The following MYO18B variants were observed in gnomAD, a reference collection of about 807,000 sequenced individuals.
The protein encoded by MYO18B is myosin XVIIIB.
MYO18B carries 204 observed loss-of-function variants against 273.0 expected under a neutral mutation model. That is an observed-to-expected ratio of 0.75 (90% CI 0.67 to 0.84). The LOEUF is 0.84. Ranked by LOEUF, MYO18B falls within the 40% of genes least tolerant of loss-of-function variation. MYO18B has a pLI of 0.00. For synonymous variants in MYO18B, 1,330 were observed against 1,305.7 expected, an observed-to-expected ratio of 1.02 and a Z score of -0.40; for missense variants, 3,212 against 3,287.6, an observed-to-expected ratio of 0.98 and a Z score of 0.56.
At chr22:25,917,548 GT>G (rs2092280179) in intron 33 of MYO18B, among the ~76,000 whole-genome samples, 1 of 144,824 alleles carries the variant, frequency 6.9e-6, no homozygotes, top group Non-Finnish European at 1.5e-5. Flanking sequence ...TTGTAGGGGT[GT>G]GTGTGTGTGT....
rs768124780 is a variant in MYO18B, at chr22:25,947,796, C to A, written c.5716C>A (p.Leu1906Met). ...IDEDQDDLNE[L>M]MQKHKDLIAQ... Reference sequence around the variant, plus strand: ...TGAGGACCAGGATGACCTGAATGAGCTGATGCAGAAGCACAAGGACCTCAT... The same window carrying A: ...TGAGGACCAGGATGACCTGAATGAGATGATGCAGAAGCACAAGGACCTCAT... Residue 1906 changes from leucine to methionine, a missense_variant, in exon 36 of 44, where the codon CTG becomes ATG. Coordinates refer to ENST00000335473, the MANE Select transcript of MYO18B (RefSeq NM_032608.7). 3.7e-6 allele frequency: 6 copies of A among 1,613,828 alleles called. No individual in the cohort carries two copies. The highest frequency in any genetic ancestry group is 5.1e-6 in the Non-Finnish European group (6 of 1,179,850).
chr22:25,830,734 C>A (rs774962396), intron 15 of MYO18B, among the ~76,000 whole-genome samples: 2 of 152,118 alleles, frequency 1.3e-5, no homozygotes, highest in African/African-American at 2.4e-5. Context: ...TGAGTCACAA[C>A]AGGTCTAAGG....
At position 25,962,948 on chromosome 22, in the gene MYO18B, C is replaced by T. The variant is rs537728680; in HGVS notation, c.6156+7584C>T. 1.9e-4 allele frequency among the ~76,000 whole-genome samples: 29 copies of T among 152,146 alleles called. No individual in the cohort carries two copies. In the East Asian group the frequency reaches 4.6e-3, roughly 24 times the overall value. ...CAGGGATATAAACACAGACTCTTCA[C>T]CCCTTTCCTTTCTTCTCTTCCTTCT... is the stretch of plus-strand genomic sequence containing the variant. On this transcript the variant is annotated intron_variant, in intron 39 of 43. Transcript: ENST00000335473.
the MYO18B span, among the ~76,000 whole-genome samples, chr22:26,055,954 A>C: frequency 6.6e-6 from 1 of 152,182 alleles, no homozygotes; most frequent in African/African-American, 2.4e-5. Context: ...CTTGCTTAGG[A>C]AAAGCAAAGC....
intron 25 of MYO18B, among the ~76,000 whole-genome samples, chr22:25,888,462 A>G (rs1379140597): frequency 2.0e-5 from 3 of 152,080 alleles, no homozygotes; most frequent in Non-Finnish European, 2.9e-5. Context: ...GGGTCTTGCT[A>G]TGTTGCCCAG....
chr22:25,953,684 G>C (rs2092817392), intron 38 of MYO18B: 1 of 152,212 alleles, frequency 6.6e-6, no homozygotes, highest in South Asian at 2.1e-4. Flanking sequence ...AATTAAATAT[G>C]TAAAGTTGGG....
intron 21 of MYO18B, among the ~76,000 whole-genome samples, chr22:25,864,070 T>TC (rs993751118): frequency 3.9e-5 from 6 of 152,330 alleles, no homozygotes; most frequent in Admixed American, 3.3e-4. Flanking sequence ...GTGGGTTTTT[T>TC]CCATGCTTTG....
At chr22:25,744,724 C>T (rs979499275) in intron 1 of MYO18B, among the ~76,000 whole-genome samples, 3 of 152,122 alleles carry the variant, frequency 2.0e-5, no homozygotes, top group Non-Finnish European at 4.4e-5. Flanking sequence ...CAGAGAGAGA[C>T]TCCGTCTCAA....
intron 34 of MYO18B, among the ~76,000 whole-genome samples, chr22:25,931,300 G>C (rs921192919): frequency 6.6e-6 from 1 of 152,252 alleles, no homozygotes; most frequent in Non-Finnish European, 1.5e-5. Flanking sequence ...GAAGTGGGAA[G>C]AGGCTGGTTT....
rs185505014 is a variant in MYO18B at position 25,986,000 on chromosome 22, T to G, written c.6157-6363T>G. 5.3e-5 allele frequency among the ~76,000 whole-genome samples: 8 copies of G among 152,330 alleles called. No homozygotes were observed. The East Asian group carries it at 1.5e-3, about 29-fold the overall frequency. ...CTCATTTCTCCCAGGCAAGTGACCCTCGGACAATTTGAAGGAAGCAATGGC... is the reference window on the plus strand; with the variant it reads ...CTCATTTCTCCCAGGCAAGTGACCCGCGGACAATTTGAAGGAAGCAATGGC... On this transcript the variant is annotated intron_variant, in intron 39 of 43. Transcript: ENST00000335473.
At chr22:26,058,293 A>T in the MYO18B span, among the ~76,000 whole-genome samples, 1 of 152,142 alleles carries the variant, frequency 6.6e-6, no homozygotes, top group African/African-American at 2.4e-5. Flanking sequence ...GAGAGTAGGG[A>T]TAGGGACCAC....
chr22:25,925,624 G>A (rs2092408635), intron 34 of MYO18B, among the ~76,000 whole-genome samples: 1 of 152,130 alleles, frequency 6.6e-6, no homozygotes, highest in Non-Finnish European at 1.5e-5. Context: ...TGAGCAGGTG[G>A]CTGGGCACAG....
intron 28 of MYO18B, chr22:25,896,597 C>T (rs1737239181): frequency 6.6e-6 from 1 of 152,138 alleles, no homozygotes; most frequent in South Asian, 2.1e-4. Context: ...AAATCTAATG[C>T]AATCTTATCT....
At position 25,851,531 on chromosome 22, in the gene MYO18B, A is replaced by G. The variant is rs759498742; in HGVS notation, c.3837A>G (p.Pro1279=). 2 of 1,561,056 alleles carry G rather than the reference A, an allele frequency of 1.3e-6. No individual in the cohort carries two copies. The highest frequency in any genetic ancestry group is 1.7e-6 in the Non-Finnish European group (2 of 1,152,278). ...GGCAATTCCAGGTGCTGGACGCTCC[A>G]CTCCTGAAGAAGCTCATGTCGACCT... ...FRRQFQVLDA[P]LLKKLMSTSE... Residue 1279 remains proline (P), a synonymous_variant, in exon 21 of 44, where the codon CCA becomes CCG. Coordinates refer to ENST00000335473, the MANE Select transcript of MYO18B (RefSeq NM_032608.7).
At chr22:25,830,321 T>C (rs2145925312) in intron 15 of MYO18B, among the ~76,000 whole-genome samples, 1 of 152,318 alleles carries the variant, frequency 6.6e-6, no homozygotes, top group Admixed American at 6.5e-5. Context: ...GTATCAGTTA[T>C]GATTTGCCAT....
intron 42 of MYO18B, among the ~76,000 whole-genome samples, chr22:26,019,785 A>G (rs1388898512): frequency 6.6e-6 from 1 of 152,172 alleles, no homozygotes; most frequent in Non-Finnish European, 1.5e-5. Flanking sequence ...GTGTCATTAA[A>G]TCTGCATTGA....
the MYO18B span, among the ~76,000 whole-genome samples, chr22:26,060,553 AAAGAGGGAGAAGATTAAACAC>A: frequency 6.6e-6 from 1 of 152,194 alleles, no homozygotes; most frequent in Admixed American, 6.5e-5. Flanking sequence ...ACAGTAGACT[AAAGAGGGAGAAGATTAAACAC>A]ACACATACAC....
At chr22:25,823,728 C>T in intron 13 of MYO18B, 50 bp downstream of exon 13, 1 of 1,588,126 alleles carries the variant, frequency 6.3e-7, no homozygotes. Context: ...TCTGGGCCAG[C>T]TCCTGGGGAT....
intron 21 of MYO18B, among the ~76,000 whole-genome samples, chr22:25,862,741 C>A (rs2090772342): frequency 6.6e-6 from 1 of 151,816 alleles, no homozygotes; most frequent in African/African-American, 2.4e-5. Flanking sequence ...TCCTCTCTTT[C>A]TGCTTTCAAG....
Sources: gnomAD v4.1 joint callset for allele counts (sites outside exome capture counted in the v4.1 genomes callset) on GRCh38, gnomAD v4.1.1 for gene constraint, MANE v1.5 for transcripts, NCBI Gene and HGNC (gene_info 2026-07-23, HGNC 2026-07-21) for gene names.